The following CREB3L2 variants were observed in gnomAD, a reference collection of about 807,000 sequenced individuals.
CREB3L2 encodes the protein cAMP responsive element binding protein 3 like 2, also known as cyclic AMP-responsive element-binding protein 3-like protein 2.
Under a neutral mutation model 57.2 loss-of-function variants are expected in CREB3L2, and 23 were observed. That is an observed-to-expected ratio of 0.40 (90% CI 0.29 to 0.57). CREB3L2 has a LOEUF of 0.57. Ranked by LOEUF, CREB3L2 falls within the 20% of genes least tolerant of loss-of-function variation. The probability of loss-of-function intolerance (pLI) is 0.42; values close to 1 mark genes in which losing one functional copy is unlikely to be tolerated. For synonymous variants in CREB3L2, 268 were observed against 265.1 expected (o/e 1.01, Z -0.11); for missense variants, 628 against 634.7 (o/e 0.99, Z 0.11).
chr7:137,882,195 T>C (rs1010713143), intron 11 of CREB3L2, among the ~76,000 whole-genome samples: 7 of 152,028 alleles, frequency 4.6e-5, no homozygotes, highest in Non-Finnish European at 8.8e-5. Flanking sequence ...GCAGCAGACA[T>C]AGGGGAGCTC....
intron 1 of CREB3L2, among the ~76,000 whole-genome samples, chr7:137,992,624 C>T (rs1159859420): frequency 6.6e-6 from 1 of 152,182 alleles, no homozygotes; most frequent in Non-Finnish European, 1.5e-5. Context: ...AACTGAGAAC[C>T]AGATGCACTG....
chr7:137,941,067 T>C (rs764359961), intron 1 of CREB3L2, among the ~76,000 whole-genome samples: 2 of 152,192 alleles, frequency 1.3e-5, no homozygotes, highest in African/African-American at 2.4e-5. Flanking sequence ...TGGAATGACA[T>C]GTGTTGAGAC....
At chr7:137,954,406 G>A (rs1287682911) in intron 1 of CREB3L2, among the ~76,000 whole-genome samples, 3 of 152,216 alleles carry the variant, frequency 2.0e-5, no homozygotes, top group Non-Finnish European at 4.4e-5. Flanking sequence ...GCAGGGGGCA[G>A]GGGGCTAGGG....
chr7:137,986,464 A>G (rs1034814726), intron 1 of CREB3L2, among the ~76,000 whole-genome samples: 11 of 152,214 alleles, frequency 7.2e-5, no homozygotes, highest in African/African-American at 2.7e-4. Flanking sequence ...GATTAGGCTC[A>G]TCCATTACTT....
chr7:137,895,162 T>C (rs1385771474), intron 8 of CREB3L2, among the ~76,000 whole-genome samples: 1 of 152,168 alleles, frequency 6.6e-6, no homozygotes, highest in Non-Finnish European at 1.5e-5. Context: ...GGGCAGTGTA[T>C]GTGCATCACT....
At chr7:137,953,824 TAAAAC>T (rs1489027873) in intron 1 of CREB3L2, among the ~76,000 whole-genome samples, 1 of 152,176 alleles carries the variant, frequency 6.6e-6, no homozygotes, top group Non-Finnish European at 1.5e-5. Context: ...AAGGGGCACT[TAAAAC>T]AGACGGTCAA....
intron 1 of CREB3L2, among the ~76,000 whole-genome samples, chr7:137,946,774 CTATA>C (rs1563262171): frequency 3.1e-5 from 1 of 31,992 alleles, no homozygotes; most frequent in African/African-American, 9.2e-5. Flanking sequence ...GTTTAGTTAT[CTATA>C]TAGTTATCTA....
chr7:137,922,410 A>ATATATACG (rs1800324256), intron 2 of CREB3L2, among the ~76,000 whole-genome samples: 1 of 25,882 alleles, frequency 3.9e-5, no homozygotes, highest in African/African-American at 1.8e-4. Context: ...ATATATATAT[A>ATATATACG]TATATGTATA....
At chr7:137,967,344 G>A (rs1801425276) in intron 1 of CREB3L2, among the ~76,000 whole-genome samples, 1 of 152,188 alleles carries the variant, frequency 6.6e-6, no homozygotes, top group African/African-American at 2.4e-5. Context: ...TGGACTCTGA[G>A]CTCATTATCG....
intron 10 of CREB3L2, chr7:137,884,673 C>A: frequency 1.7e-6 from 1 of 586,062 alleles, no homozygotes; most frequent in Non-Finnish European, 3.0e-6. Context: ...TCACAGAAAG[C>A]GACAGACTCT....
At chr7:137,996,953 T>C (rs1267451362) in intron 1 of CREB3L2, among the ~76,000 whole-genome samples, 1 of 152,228 alleles carries the variant, frequency 6.6e-6, no homozygotes, top group African/African-American at 2.4e-5. Context: ...AAAATTGTTT[T>C]ATTTTCCAGA....
chr7:137,882,631 G>A lies in CREB3L2; in HGVS notation c.1271-3C>T. ...GATCAGCAGGTTTCTGGATCTCACT[G>A]AGGACAGAGCAGAATAATAAGGTGT... On this transcript the variant is annotated splice_region_variant and splice_polypyrimidine_tract_variant and intron_variant, in intron 10 of 11. Coordinates refer to ENST00000330387, the MANE Select transcript of CREB3L2 (RefSeq NM_194071.4). 4 of 1,593,832 alleles carry A rather than the reference G, an allele frequency of 2.5e-6. No homozygotes were observed. The highest frequency in any genetic ancestry group is 2.2e-5 in the East Asian group (1 of 44,586).
rs1208800996 is a variant in CREB3L2 at position 137,971,820 on chromosome 7, T to C, written c.102+29784A>G. Among the ~76,000 whole-genome samples, 4 of 152,074 alleles carry C rather than the reference T, an allele frequency of 2.6e-5. No homozygotes were observed. In the South Asian group the frequency reaches 8.3e-4, roughly 31 times the overall value. On this transcript the variant is annotated intron_variant, in intron 1 of 11. Coordinates refer to ENST00000330387, the MANE Select transcript of CREB3L2 (RefSeq NM_194071.4). ...AACCTAAAATCCTAATAATTGGATG[T>C]CACTTAAGAACCTACAAAACATACA... is the stretch of plus-strand genomic sequence containing the variant.
chr7:138,000,511 G>C (rs1288407767), intron 1 of CREB3L2, among the ~76,000 whole-genome samples: 1 of 152,100 alleles, frequency 6.6e-6, no homozygotes, highest in Non-Finnish European at 1.5e-5. Flanking sequence ...GAATCAGCAG[G>C]GAGGCCCTCA....
intron 11 of CREB3L2, among the ~76,000 whole-genome samples, chr7:137,881,974 T>C (rs906587392): frequency 1.3e-5 from 2 of 152,210 alleles, no homozygotes; most frequent in African/African-American, 4.8e-5. Flanking sequence ...TATTTACATA[T>C]AAATCATAAA....
At chr7:137,994,520 A>G (rs553459635) in intron 1 of CREB3L2, among the ~76,000 whole-genome samples, 1 of 152,290 alleles carries the variant, frequency 6.6e-6, no homozygotes, top group South Asian at 2.1e-4. Flanking sequence ...CTAGTTAGTG[A>G]GTCAAGACAT....
rs146110184 is a variant in CREB3L2, at chr7:137,975,962, C to T, written c.102+25642G>A. 1.6e-4 allele frequency among the ~76,000 whole-genome samples: 24 copies of T among 152,254 alleles called. No individual in the cohort carries two copies. The East Asian group carries it at 3.7e-3, about 23-fold the overall frequency. Reference sequence around the variant, plus strand: ...CTGGGAAAGACACTGAGTGGGAGGCCGAGCCAGATGACCCTCAATGTTTCT... The same window carrying T: ...CTGGGAAAGACACTGAGTGGGAGGCTGAGCCAGATGACCCTCAATGTTTCT... On this transcript the variant is annotated intron_variant, in intron 1 of 11. Transcript: ENST00000330387.
intron 1 of CREB3L2, among the ~76,000 whole-genome samples, chr7:137,945,761 C>T (rs1186090875): frequency 6.6e-6 from 1 of 152,190 alleles, no homozygotes. Flanking sequence ...TGTATTAGAA[C>T]CTCAAATGCT....
chr7:137,884,762 C>G, intron 10 of CREB3L2: 6 of 627,798 alleles, frequency 9.6e-6, no homozygotes, highest in South Asian at 1.9e-5. Context: ...CAGTCTAGAA[C>G]AGCAGTTTGC....
Sources: allele counts gnomAD v4.1 joint callset (sites outside exome capture counted in the v4.1 genomes callset), GRCh38; gene constraint gnomAD v4.1.1; transcripts MANE v1.5; gene names NCBI Gene and HGNC (gene_info 2026-07-23, HGNC 2026-07-21).